RPN2: variants seen among roughly 807,000 people sequenced by gnomAD.
RPN2 encodes the protein ribophorin II, also known as dolichyl-diphosphooligosaccharide--protein glycosyltransferase subunit 2.
In RPN2, 29 loss-of-function variants were observed where a neutral mutation model predicts 71.4. The ratio of observed to expected loss-of-function variants is 0.41; its 90% confidence interval spans 0.30 to 0.55. The LOEUF is 0.55. RPN2 is among the 20% of genes least tolerant of loss of function. The pLI is 0.35. For synonymous variants in RPN2, 308 were observed against 305.0 expected, an observed-to-expected ratio of 1.01 and a Z score of -0.10; for missense variants, 726 against 774.1, an observed-to-expected ratio of 0.94 and a Z score of 0.74.
chr20:37,229,565 C>T (rs752461165), intron 12 of RPN2, among the ~76,000 whole-genome samples: 1 of 152,170 alleles, frequency 6.6e-6, no homozygotes, highest in Non-Finnish European at 1.5e-5. Context: ...TTCAAGACTT[C>T]TTTTCTTCTC....
At chr20:37,216,461 T>C (rs2067807382) in intron 9 of RPN2, among the ~76,000 whole-genome samples, 1 of 151,006 alleles carries the variant, frequency 6.6e-6, no homozygotes, top group Admixed American at 6.6e-5. Context: ...TTTCTTTTTT[T>C]ATTTTTATTT....
chr20:37,187,888 C>T (rs1206036352), intron 2 of RPN2, among the ~76,000 whole-genome samples: 1 of 152,096 alleles, frequency 6.6e-6, no homozygotes, highest in East Asian at 1.9e-4. Context: ...AGTGATTTGC[C>T]CTCCTCGGCC....
At chr20:37,192,165 T>C (rs1166646130) in intron 2 of RPN2, among the ~76,000 whole-genome samples, 2 of 152,130 alleles carry the variant, frequency 1.3e-5, no homozygotes, top group Non-Finnish European at 2.9e-5. Flanking sequence ...TTAAATGAGA[T>C]AATAAGTGTA....
intron 14 of RPN2, among the ~76,000 whole-genome samples, chr20:37,233,545 C>G (rs1416354631): frequency 1.3e-5 from 2 of 152,182 alleles, no homozygotes; most frequent in African/African-American, 4.8e-5. Context: ...TTTTCAGAAA[C>G]CAGACCTAGG....
intron 4 of RPN2, among the ~76,000 whole-genome samples, chr20:37,200,751 T>G (rs569327074): frequency 6.6e-6 from 1 of 152,308 alleles, no homozygotes; most frequent in South Asian, 2.1e-4. Flanking sequence ...GGGCCTTTGA[T>G]TTCAGGTGAC....
At position 37,225,684 on chromosome 20, in the gene RPN2, T is replaced by C; in HGVS notation, c.1185-4T>C. 6.2e-7 allele frequency: 1 copy of C among 1,605,026 alleles called. No homozygotes were observed. The highest frequency in any genetic ancestry group is 1.3e-5 in the African/African-American group (1 of 74,846). Reference sequence around the variant, plus strand: ...TGAAGACTAACTCTATATGCCTCTTTCAGGGTGACATACCCAGCCAAAGCC... The same window carrying C: ...TGAAGACTAACTCTATATGCCTCTTCCAGGGTGACATACCCAGCCAAAGCC... On this transcript the variant is annotated splice_polypyrimidine_tract_variant and splice_region_variant and intron_variant, in intron 10 of 16. Transcript: ENST00000237530.
intron 2 of RPN2, among the ~76,000 whole-genome samples, chr20:37,187,091 C>T (rs1194553497): frequency 1.3e-5 from 2 of 152,172 alleles, no homozygotes; most frequent in East Asian, 1.9e-4. Flanking sequence ...ACTAATCTAT[C>T]GCTTATAAAT....
At chr20:37,203,253 T>C (rs1445673560) in intron 4 of RPN2, among the ~76,000 whole-genome samples, 1 of 152,066 alleles carries the variant, frequency 6.6e-6, no homozygotes, top group Non-Finnish European at 1.5e-5. Flanking sequence ...CTGATGGAAA[T>C]ATTTGGGAAC....
At chr20:37,210,680 G>A (rs889567633) in intron 8 of RPN2, among the ~76,000 whole-genome samples, 19 of 151,794 alleles carry the variant, frequency 1.3e-4, no homozygotes, top group Admixed American at 5.9e-4. Flanking sequence ...ACAGGTGCCC[G>A]CCACCACGTC....
chr20:37,234,817 A>G (rs2068342824), intron 15 of RPN2, among the ~76,000 whole-genome samples: 1 of 151,148 alleles, frequency 6.6e-6, no homozygotes, highest in African/African-American at 2.4e-5. Flanking sequence ...AGCAGCTGGG[A>G]CTCCAGGCTT....
At chr20:37,184,661 G>T (rs756752032) in intron 2 of RPN2, among the ~76,000 whole-genome samples, 1 of 152,096 alleles carries the variant, frequency 6.6e-6, no homozygotes, top group Non-Finnish European at 1.5e-5. Flanking sequence ...GTGTGGTGGT[G>T]CATGCCTGTA....
intron 2 of RPN2, among the ~76,000 whole-genome samples, chr20:37,195,857 C>T (rs563177550): frequency 2.6e-5 from 4 of 152,272 alleles, no homozygotes; most frequent in African/African-American, 9.6e-5. Flanking sequence ...TTTCCTTTCT[C>T]TCTCTGGCTT....
At chr20:37,228,066 C>G (rs2068123900) in intron 11 of RPN2, among the ~76,000 whole-genome samples, 3 of 152,140 alleles carry the variant, frequency 2.0e-5, no homozygotes, top group Admixed American at 1.3e-4. Context: ...CTGGGCTGCT[C>G]TGCTTGATTA....
chr20:37,195,730 A>G (rs1156636927), intron 2 of RPN2, among the ~76,000 whole-genome samples: 1 of 152,164 alleles, frequency 6.6e-6, no homozygotes, highest in African/African-American at 2.4e-5. Flanking sequence ...TTAAAGCACC[A>G]GATGGCGACA....
At chr20:37,226,521 T>G (rs1450213731) in intron 11 of RPN2, among the ~76,000 whole-genome samples, 2 of 152,110 alleles carry the variant, frequency 1.3e-5, no homozygotes, top group East Asian at 1.9e-4. Context: ...CTCATTTGTG[T>G]GTATGTATGT....
Position 37,232,270 on chromosome 20 carries a change from A to C in RPN2, c.1582-26A>C, listed in dbSNP as rs201487164. On this transcript the variant is annotated intron_variant, in intron 13 of 16. Coordinates refer to ENST00000237530, the MANE Select transcript of RPN2 (RefSeq NM_002951.5). ...CCCTACTGGGAAGGGCACATTCTTA[A>C]GTCTTCTTGGTGTGTCTTTCGGCAG... 9 of 1,613,982 alleles carry C rather than the reference A, an allele frequency of 5.6e-6. No individual in the cohort carries two copies. The East Asian group carries it at 2.0e-4, about 36-fold the overall frequency.
At chr20:37,223,635 C>CTTT (rs11482722) in intron 9 of RPN2, among the ~76,000 whole-genome samples, 5 of 142,860 alleles carry the variant, frequency 3.5e-5, no homozygotes, top group African/African-American at 1.0e-4. Flanking sequence ...TTTTCTTCTT[C>CTTT]TTTTTTTTTT....
chr20:37,237,835 C>T (rs1486710160), intron 16 of RPN2, among the ~76,000 whole-genome samples: 3 of 152,094 alleles, frequency 2.0e-5, no homozygotes, highest in Admixed American at 6.5e-5. Flanking sequence ...CCTGCCTGGG[C>T]CCCCAGGGAG....
chr20:37,205,505 A>C (rs192753886), intron 6 of RPN2, among the ~76,000 whole-genome samples: 14 of 152,262 alleles, frequency 9.2e-5, no homozygotes, highest in Admixed American at 5.2e-4. Flanking sequence ...AGAAGTTACC[A>C]GCCCTTAATC....
Sources: gnomAD v4.1 joint callset for allele counts (sites outside exome capture counted in the v4.1 genomes callset) on GRCh38, gnomAD v4.1.1 for gene constraint, MANE v1.5 for transcripts, NCBI Gene and HGNC (gene_info 2026-07-23, HGNC 2026-07-21) for gene names.